The following TRPM4 variants were observed in gnomAD, a reference collection of about 807,000 sequenced individuals.
TRPM4 encodes the protein transient receptor potential cation channel subfamily M member 4, also known as calcium-activated non-selective cation channel 1.
TRPM4 carries 124 observed loss-of-function variants against 135.6 expected under a neutral mutation model. The ratio of observed to expected loss-of-function variants is 0.91; its 90% confidence interval spans 0.79 to 1.06. TRPM4 has a LOEUF of 1.06. Among genes scored for constraint, TRPM4 ranks in the 50% least tolerant of loss-of-function variants. The pLI, the probability that TRPM4 is intolerant of heterozygous loss-of-function variation, is 0.00. For synonymous variants in TRPM4, 745 were observed against 705.6 expected (o/e 1.06, Z -0.88); for missense variants, 1,658 against 1,671.4 (o/e 0.99, Z 0.14).
At chr19:49,201,087 A>G (rs934355576) in intron 19 of TRPM4, among the ~76,000 whole-genome samples, 1 of 150,898 alleles carries the variant, frequency 6.6e-6, no homozygotes, top group African/African-American at 2.4e-5. Flanking sequence ...CATAAATTTA[A>G]TTTTTTTAGT....
At chr19:49,202,198 A>C in intron 20 of TRPM4, 57 bp downstream of exon 20, 2 of 1,583,006 alleles carry the variant, frequency 1.3e-6, no homozygotes, top group Non-Finnish European at 8.7e-7. Flanking sequence ...TGGCCCTCTC[A>C]TGACTCTTGA....
At position 49,189,921 on chromosome 19, in the gene TRPM4, A is replaced by G. The variant is rs1175793; in HGVS notation, c.2020-287A>G. 0.014 allele frequency among the ~76,000 whole-genome samples: 2,179 copies of G among 152,118 alleles called. 49 individuals carry two copies. The highest frequency in any genetic ancestry group is 0.049 in the African/African-American group (2,049 of 41,464). ...GTGCCTCATGTGTACCAAGGAGGAG[A>G]TACTAGTACCCACCCCCTTATGTGT... On this transcript the variant is annotated intron_variant, in intron 14 of 24. Coordinates refer to ENST00000252826, the MANE Select transcript of TRPM4 (RefSeq NM_017636.4).
intron 20 of TRPM4, among the ~76,000 whole-genome samples, chr19:49,205,720 G>T (rs1216758228): frequency 6.6e-6 from 1 of 151,510 alleles, no homozygotes; most frequent in Non-Finnish European, 1.5e-5. Flanking sequence ...ATTTTTAGTA[G>T]GGACGGGGTT....
chr19:49,183,126 G>GGA lies in TRPM4; in HGVS notation c.1658_1659insAG (p.Leu554AlafsTer17), dbSNP rs2122940788. On this transcript the variant is annotated frameshift_variant, in exon 12 of 25. Coordinates refer to ENST00000252826, the MANE Select transcript of TRPM4 (RefSeq NM_017636.4). LOFTEE classifies it high-confidence loss of function. ...CACCTCGCCGCTCTCGCTGGATGCTGGCCTCGGGCAGGCCCCCTGGAGCGA... is the reference window on the plus strand; with the variant it reads ...CACCTCGCCGCTCTCGCTGGATGCTGGAGCCTCGGGCAGGCCCCCTGGAGCGA... 6.2e-7 allele frequency: 1 copy of GGA among 1,613,910 alleles called. No individual in the cohort carries two copies. Among genetic ancestry groups the GGA allele is most frequent in the Non-Finnish European group, 8.5e-7 (1 of 1,180,024 alleles).
chr19:49,196,258 C>T (rs1968630789), intron 16 of TRPM4, among the ~76,000 whole-genome samples, 182 bp from the exon 17 acceptor site: 1 of 152,194 alleles, frequency 6.6e-6, no homozygotes, highest in South Asian at 2.1e-4. Flanking sequence ...CACCTCTTGA[C>T]CGGAGATTTC....
chr19:49,206,010 G>T (rs1479289507), intron 20 of TRPM4, among the ~76,000 whole-genome samples: 3 of 152,156 alleles, frequency 2.0e-5, no homozygotes, highest in East Asian at 1.9e-4. Context: ...ACCCAGGCGG[G>T]ATTGCAGTGG....
At chr19:49,184,791 C>CT (rs971396057) in intron 12 of TRPM4, among the ~76,000 whole-genome samples, 27 of 147,888 alleles carry the variant, frequency 1.8e-4, no homozygotes, top group African/African-American at 3.5e-4. Flanking sequence ...TGTAGTCTGT[C>CT]TTTTTTTTTT....
intron 12 of TRPM4, among the ~76,000 whole-genome samples, chr19:49,184,272 T>C (rs1189762734): frequency 6.6e-6 from 1 of 151,986 alleles, no homozygotes; most frequent in Non-Finnish European, 1.5e-5. Flanking sequence ...TTTTCCTTCA[T>C]TTGTTTTTCT....
intron 9 of TRPM4, among the ~76,000 whole-genome samples, chr19:49,173,193 T>C (rs1568463464): frequency 6.6e-6 from 1 of 151,962 alleles, no homozygotes; most frequent in Non-Finnish European, 1.5e-5. Context: ...TTCTCACCTG[T>C]CCATCTGCAC....
intron 9 of TRPM4, among the ~76,000 whole-genome samples, chr19:49,178,617 G>T (rs1267421561): frequency 1.1e-4 from 16 of 152,074 alleles, no homozygotes; most frequent in Non-Finnish European, 2.1e-4. Context: ...GGGAAGATGG[G>T]TTTGAGGGCT....
chr19:49,183,329 T>G, intron 12 of TRPM4, 117 bp downstream of exon 12: 1 of 1,334,506 alleles, frequency 7.5e-7, no homozygotes. Flanking sequence ...AGGCGCCCCA[T>G]CCTCCGTCGC....
In TRPM4 at chr19:49,210,807, G is replaced by C. The variant is rs749059644; in HGVS notation, c.3426G>C (p.Glu1142Asp). 6.2e-7 allele frequency: 1 copy of C among 1,613,274 alleles called. No homozygotes were observed. Among genetic ancestry groups the C allele is most frequent in the Non-Finnish European group, 8.5e-7 (1 of 1,179,832 alleles). ...FLLARARDKR[E>D]SDSERLKRTS... ...TGGCACGCGCTAGGGACAAGCGGGA[G>C]AGCGACTCCGAGCGTCTGAAGCGCA... is the stretch of plus-strand genomic sequence containing the variant. Residue 1142 changes from glutamate (E) to aspartate (D), a missense_variant, in exon 22 of 25, where the codon GAG becomes GAC. Around this residue, in one of 3 missense-constraint regions of TRPM4, gnomAD observed 1,412 missense variants for 1,408.7 expected, o/e 1.00. Transcript: ENST00000252826. The surrounding 1 kb of genome is among the most constrained non-coding windows in gnomAD (Gnocchi z 4.1).
At chr19:49,158,598 TC>T in intron 2 of TRPM4, 1 of 283,400 alleles carries the variant, frequency 3.5e-6, no homozygotes, top group Non-Finnish European at 6.8e-6. Flanking sequence ...ATTCATTCAT[TC>T]ATTCATTCAT....
Position 49,183,116 on chromosome 19 carries a change from G to C in TRPM4, c.1647G>C (p.Ser549=). 1.2e-6 allele frequency: 2 copies of C among 1,613,642 alleles called. No homozygotes were observed. Among genetic ancestry groups the C allele is most frequent in the Non-Finnish European group, 1.7e-6 (2 of 1,179,998 alleles). The part of the protein sequence containing the change: ...LLSDKATSPL[S]LDAGLGQAPW... ...CGGACAAGGCCACCTCGCCGCTCTC[G>C]CTGGATGCTGGCCTCGGGCAGGCCC... The change falls in exon 12 of 25, where the codon TCG becomes TCC. Residue 549 remains serine, a synonymous_variant. Transcript: ENST00000252826.
Position 49,188,738 on chromosome 19 carries a change from A to AC in TRPM4, c.1843dup (p.Leu615ProfsTer6), listed in dbSNP as rs1968292287. 1 of 1,614,060 alleles carries AC rather than the reference A, an allele frequency of 6.2e-7. No individual in the cohort carries two copies. Among genetic ancestry groups the AC allele is most frequent in the Admixed American group, 1.7e-5 (1 of 59,992 alleles). On this transcript the variant is annotated frameshift_variant, in exon 13 of 25. Coordinates refer to ENST00000252826, the MANE Select transcript of TRPM4 (RefSeq NM_017636.4). LOFTEE classifies it high-confidence loss of function. ...GCTGAGGAGGCAGCACGGAGGAAAGACCTGGCGTTCAAGTTTGAGGGGATG... is the reference window on the plus strand; with the variant it reads ...GCTGAGGAGGCAGCACGGAGGAAAGACCCTGGCGTTCAAGTTTGAGGGGATG...
In TRPM4 at chr19:49,169,143, TGAGCC is replaced by T. The variant is rs1967354121; in HGVS notation, c.796+411_796+415del. Among the ~76,000 whole-genome samples, 4 of 151,072 alleles carry T rather than the reference TGAGCC, an allele frequency of 2.6e-5. No homozygotes were observed. In the South Asian group the frequency reaches 8.5e-4, roughly 32 times the overall value. On this transcript the variant is annotated intron_variant, in intron 6 of 24. Transcript: ENST00000252826. ...TGAACCCGGGAGGTGGAGGTTGCAG[TGAGCC>T]GAGATCAAGCCACTGCACTCCAGCC...
chr19:49,181,249 G>A, intron 9 of TRPM4, 100 bp from the exon 10 acceptor site: 1 of 881,252 alleles, frequency 1.1e-6, no homozygotes, highest in Non-Finnish European at 1.9e-6. Flanking sequence ...CCTTTATGCA[G>A]AGTTTAAAAG....
chr19:49,194,193 ATCCTCCTTCTCCTGC>A (rs906283075), intron 16 of TRPM4, among the ~76,000 whole-genome samples: 1 of 125,640 alleles, frequency 8.0e-6, no homozygotes, highest in Non-Finnish European at 1.7e-5. Context: ...CCTTCTCCTC[ATCCTCCTTCTCCTGC>A]TCCTCCTCCT....
intron 9 of TRPM4, among the ~76,000 whole-genome samples, chr19:49,180,794 G>A (rs550340199): frequency 7.9e-5 from 12 of 151,378 alleles, no homozygotes; most frequent in East Asian, 5.8e-4. Flanking sequence ...CCATCCATCC[G>A]TCTGTCCATC....
Sources: gnomAD v4.1 joint callset for allele counts (sites outside exome capture counted in the v4.1 genomes callset) on GRCh38, gnomAD v4.1.1 for gene constraint, gnomAD v4.1.1 regional missense constraint, Gnocchi (gnomAD v3.1) non-coding constraint, MANE v1.5 for transcripts, NCBI Gene and HGNC (gene_info 2026-07-23, HGNC 2026-07-21) for gene names.